THSD4: variants seen among roughly 807,000 people sequenced by gnomAD.
THSD4 encodes thrombospondin type 1 domain containing 4, also known as thrombospondin type-1 domain-containing protein 4.
A neutral mutation model predicts 119.0 loss-of-function variants in THSD4; 69 were observed. That is an observed-to-expected ratio of 0.58 (90% CI 0.48 to 0.71). The LOEUF (loss-of-function observed/expected upper bound fraction) is 0.71, where lower values mean the gene tolerates loss of function less well. Among genes scored for constraint, THSD4 ranks in the 30% least tolerant of loss-of-function variants. The pLI, the probability that THSD4 is intolerant of heterozygous loss-of-function variation, is 0.00. For missense variants in THSD4, 1,393 were observed against 1,391.1 expected, an observed-to-expected ratio of 1.00 and a Z score of -0.02; for synonymous variants, 524 against 540.4, an observed-to-expected ratio of 0.97 and a Z score of 0.42.
At position 71,129,730 on chromosome 15, in the gene THSD4, C is replaced by G. The variant is rs556794639; in HGVS notation, c.-79-11719C>G. 1.3e-4 allele frequency among the ~76,000 whole-genome samples: 20 copies of G among 151,980 alleles called. No individual in the cohort carries two copies. The South Asian group carries it at 3.9e-3, about 30-fold the overall frequency. On this transcript the variant is annotated intron_variant, in intron 1 of 17. Transcript: ENST00000261862. ...GACTAATTTGCTAGGTTTCTCCCTC[C>G]TTCTGTAAGGATAGACAGAGTTTTT...
At chr15:71,380,267 A>G (rs1020707458) in intron 6 of THSD4, among the ~76,000 whole-genome samples, 1 of 152,120 alleles carries the variant, frequency 6.6e-6, no homozygotes, top group African/African-American at 2.4e-5. Flanking sequence ...AGATTGATCA[A>G]AACTTTGGGC....
intron 6 of THSD4, among the ~76,000 whole-genome samples, chr15:71,310,047 C>T (rs913229624): frequency 6.6e-6 from 1 of 152,206 alleles, no homozygotes; most frequent in Non-Finnish European, 1.5e-5. Context: ...TGTCAGCTGA[C>T]ATACCATAGA....
At chr15:71,379,190 C>G (rs1231953449) in intron 6 of THSD4, among the ~76,000 whole-genome samples, 2 of 152,064 alleles carry the variant, frequency 1.3e-5, no homozygotes, top group African/African-American at 4.8e-5. Flanking sequence ...GTTTCTTTAG[C>G]TTTTCTCATT....
intron 4 of THSD4, among the ~76,000 whole-genome samples, chr15:71,219,460 G>C (rs577241924): frequency 1.3e-5 from 2 of 152,330 alleles, no homozygotes; most frequent in South Asian, 4.1e-4. Flanking sequence ...TAAAAAGAGA[G>C]TTGCCAAGTC....
At chr15:71,302,682 G>A (rs564837571) in intron 6 of THSD4, among the ~76,000 whole-genome samples, 21 of 152,190 alleles carry the variant, frequency 1.4e-4, no homozygotes, top group African/African-American at 4.8e-4. Flanking sequence ...AGCCCAGTGG[G>A]TGCTTCTCTT....
chr15:71,129,329 A>C (rs1280843445), intron 1 of THSD4, among the ~76,000 whole-genome samples: 1 of 152,180 alleles, frequency 6.6e-6, no homozygotes, highest in East Asian at 1.9e-4. Flanking sequence ...TCCAGAGTAC[A>C]CAGTTTGATA....
intron 7 of THSD4, among the ~76,000 whole-genome samples, chr15:71,462,960 T>TA (rs1233419809): frequency 6.6e-6 from 1 of 152,246 alleles, no homozygotes; most frequent in African/African-American, 2.4e-5. Context: ...TTTCTATTGA[T>TA]ATGACCAAAG....
intron 6 of THSD4, among the ~76,000 whole-genome samples, chr15:71,368,949 CT>C (rs1566957528): frequency 6.6e-6 from 1 of 152,170 alleles, no homozygotes; most frequent in East Asian, 1.9e-4. Flanking sequence ...TTTGTGTCCT[CT>C]TTTATTTTGT....
chr15:71,162,062 A>G (rs1200645003), intron 3 of THSD4, among the ~76,000 whole-genome samples: 1 of 151,966 alleles, frequency 6.6e-6, no homozygotes, highest in Non-Finnish European at 1.5e-5. Context: ...CTTAATTTAC[A>G]TCTGCATCTT....
At chr15:71,709,967 G>A (rs1163493893) in intron 8 of THSD4, among the ~76,000 whole-genome samples, 6 of 152,178 alleles carry the variant, frequency 3.9e-5, no homozygotes, top group Admixed American at 2.0e-4. Flanking sequence ...CGGGGTGAGC[G>A]GCTAGGGATG....
intron 6 of THSD4, among the ~76,000 whole-genome samples, chr15:71,314,763 G>A (rs1464486055): frequency 1.3e-5 from 2 of 152,134 alleles, no homozygotes; most frequent in African/African-American, 4.8e-5. Context: ...AGATATTTTG[G>A]ATGCTAAATA....
intron 3 of THSD4, among the ~76,000 whole-genome samples, chr15:71,201,752 G>A (rs1404451937): frequency 6.6e-6 from 1 of 152,188 alleles, no homozygotes; most frequent in Non-Finnish European, 1.5e-5. Flanking sequence ...GGGATTCTTG[G>A]CTCGGAGCCA....
At chr15:71,308,722 G>C (rs553445556) in intron 6 of THSD4, among the ~76,000 whole-genome samples, 1 of 152,072 alleles carries the variant, frequency 6.6e-6, no homozygotes, top group African/African-American at 2.4e-5. Flanking sequence ...GAATATTCAC[G>C]TGCAAGTTAT....
chr15:71,458,528 A>G (rs1431744359), intron 7 of THSD4, among the ~76,000 whole-genome samples: 2 of 152,236 alleles, frequency 1.3e-5, no homozygotes, highest in African/African-American at 2.4e-5. Flanking sequence ...CATACCTGGT[A>G]AGAACTCAAT....
chr15:71,220,766 A>C (rs771122121), intron 4 of THSD4, among the ~76,000 whole-genome samples: 1 of 152,128 alleles, frequency 6.6e-6, no homozygotes, highest in Non-Finnish European at 1.5e-5. Context: ...CCAGGAACTG[A>C]GCTCCCGTCC....
chr15:71,596,852 CT>C (rs1161891446), intron 7 of THSD4, among the ~76,000 whole-genome samples: 1 of 152,144 alleles, frequency 6.6e-6, no homozygotes, highest in Non-Finnish European at 1.5e-5. Context: ...TGTCGGGCCC[CT>C]AGGTGACCCT....
At chr15:71,541,785 G>T (rs2048763953) in intron 7 of THSD4, among the ~76,000 whole-genome samples, 1 of 152,196 alleles carries the variant, frequency 6.6e-6, no homozygotes, top group African/African-American at 2.4e-5. Context: ...ACAGGAGCTA[G>T]CTCAGTGAGG....
intron 7 of THSD4, among the ~76,000 whole-genome samples, chr15:71,503,110 T>C (rs2048135826): frequency 1.3e-5 from 2 of 152,198 alleles, no homozygotes; most frequent in Non-Finnish European, 2.9e-5. Context: ...CAATTTTAGA[T>C]GGATGGCAGA....
At chr15:71,101,957 G>A (rs1034532098) in intron 1 of THSD4, among the ~76,000 whole-genome samples, 1 of 151,956 alleles carries the variant, frequency 6.6e-6, no homozygotes, top group Non-Finnish European at 1.5e-5. Flanking sequence ...CAGGTGATCC[G>A]CCCCCTTGGC....
Sources: gnomAD v4.1 joint callset for allele counts (sites outside exome capture counted in the v4.1 genomes callset) on GRCh38, gnomAD v4.1.1 for gene constraint, MANE v1.5 for transcripts, NCBI Gene and HGNC (gene_info 2026-07-23, HGNC 2026-07-21) for gene names.